The following EDIL3 variants were observed in gnomAD, a reference collection of about 807,000 sequenced individuals.
The protein encoded by EDIL3 is EGF-like repeat and discoidin I-like domain-containing protein 3.
A neutral mutation model predicts 67.4 loss-of-function variants in EDIL3; 37 were observed. That is an observed-to-expected ratio of 0.55 (90% CI 0.42 to 0.72). The LOEUF is 0.72. EDIL3 is among the 30% of genes least tolerant of loss of function. The pLI is 0.00. For synonymous variants in EDIL3, 195 were observed against 196.3 expected, an observed-to-expected ratio of 0.99 and a Z score of 0.05; for missense variants, 527 against 586.3, an observed-to-expected ratio of 0.90 and a Z score of 1.04.
Position 84,133,385 on chromosome 5 carries a change from G to A in EDIL3, c.469+3856C>T, listed in dbSNP as rs571411288. Among the ~76,000 whole-genome samples the A allele has an allele frequency of 2.1e-4, 31 of 151,036 alleles. No individual in the cohort carries two copies. In the South Asian group the frequency reaches 3.6e-3, roughly 17 times the overall value. ...TGCCTGTAATCCCATTACTTTGGGA[G>A]GCCGAGGTGAGAAGATCATTCAAGG... is the stretch of plus-strand genomic sequence containing the variant. On this transcript the variant is annotated intron_variant, in intron 5 of 10. Transcript: ENST00000296591.
intron 1 of EDIL3, among the ~76,000 whole-genome samples, chr5:84,355,721 G>A (rs551644754): frequency 2.6e-5 from 4 of 152,196 alleles, no homozygotes; most frequent in East Asian, 3.9e-4. Flanking sequence ...GGTGTCTGTC[G>A]ACCCCTGCCA....
chr5:84,053,614 G>C (rs548240436), intron 9 of EDIL3, among the ~76,000 whole-genome samples: 1 of 152,224 alleles, frequency 6.6e-6, no homozygotes, highest in South Asian at 2.1e-4. Flanking sequence ...CAATAAAAAT[G>C]ATAAAGGGGA....
At chr5:84,162,893 A>G (rs183339554) in intron 4 of EDIL3, among the ~76,000 whole-genome samples, 2 of 152,256 alleles carry the variant, frequency 1.3e-5, no homozygotes, top group African/African-American at 4.8e-5. Flanking sequence ...AGCAGTCCAT[A>G]TGTAACTGAT....
At chr5:84,154,693 C>CT (rs397881707) in intron 4 of EDIL3, among the ~76,000 whole-genome samples, 51,563 of 92,250 alleles carry the variant, frequency 0.56, 15,434 homozygotes, top group East Asian at 0.73. Context: ...TCTGCTTCTG[C>CT]TTTTTTTTTT....
intron 2 of EDIL3, among the ~76,000 whole-genome samples, chr5:84,241,744 A>G (rs1744797500): frequency 6.6e-6 from 1 of 151,732 alleles, no homozygotes; most frequent in Non-Finnish European, 1.5e-5. Flanking sequence ...GGACATTTCA[A>G]TAATTTTATT....
intron 9 of EDIL3, among the ~76,000 whole-genome samples, chr5:84,033,457 C>T (rs1439112028): frequency 6.6e-6 from 1 of 152,012 alleles, no homozygotes; most frequent in Non-Finnish European, 1.5e-5. Flanking sequence ...TGCCTGTAAT[C>T]CCAGCATTTT....
chr5:84,340,530 CTCTCTATATA>C (rs1314998192), intron 1 of EDIL3, among the ~76,000 whole-genome samples: 1,051 of 69,500 alleles, frequency 0.015, 4 homozygotes, highest in Non-Finnish European at 0.023. Flanking sequence ...CTCTCTCTCT[CTCTCTATATA>C]TATATATATA....
intron 9 of EDIL3, among the ~76,000 whole-genome samples, chr5:84,027,036 A>G (rs1745828835): frequency 2.0e-5 from 3 of 152,138 alleles, no homozygotes. Flanking sequence ...CAGAACCTAC[A>G]GTAAGTTGTG....
chr5:84,277,337 C>A (rs561820529), intron 1 of EDIL3, among the ~76,000 whole-genome samples: 10 of 152,118 alleles, frequency 6.6e-5, no homozygotes, highest in Non-Finnish European at 1.3e-4. Flanking sequence ...CAGACCCTCA[C>A]AGACACAAAA....
chr5:84,183,224 A>T (rs950839666), intron 3 of EDIL3, among the ~76,000 whole-genome samples: 1 of 152,106 alleles, frequency 6.6e-6, no homozygotes, highest in African/African-American at 2.4e-5. Flanking sequence ...GGTCAGAAAG[A>T]TTATATAATA....
intron 10 of EDIL3, among the ~76,000 whole-genome samples, chr5:83,960,755 A>G (rs1190642135): frequency 6.6e-6 from 1 of 151,102 alleles, no homozygotes; most frequent in Non-Finnish European, 1.5e-5. Context: ...CACGATTAAA[A>G]TGGAATCACT....
intron 3 of EDIL3, among the ~76,000 whole-genome samples, chr5:84,208,240 C>T (rs1348375183): frequency 4.6e-5 from 7 of 152,064 alleles, no homozygotes; most frequent in Middle Eastern, 3.2e-3. Context: ...GGGCAAAGGA[C>T]ATGAACAGAC....
chr5:84,226,934 T>C (rs1321352381), intron 3 of EDIL3, among the ~76,000 whole-genome samples: 2 of 151,922 alleles, frequency 1.3e-5, no homozygotes, highest in Non-Finnish European at 1.5e-5. Flanking sequence ...TGAAAATAGA[T>C]TTAGAATAAG....
intron 3 of EDIL3, among the ~76,000 whole-genome samples, chr5:84,194,176 A>G (rs1743651775): frequency 1.3e-5 from 2 of 151,936 alleles, no homozygotes; most frequent in Admixed American, 1.3e-4. Context: ...AAAAGAGTAC[A>G]CTGAGAAATT....
chr5:84,201,928 T>C (rs1039689640), intron 3 of EDIL3, among the ~76,000 whole-genome samples: 2 of 152,104 alleles, frequency 1.3e-5, no homozygotes, highest in African/African-American at 4.8e-5. Flanking sequence ...TTAGAAGAAG[T>C]ACATAGATTT....
At chr5:84,227,677 T>C (rs2121105) in intron 3 of EDIL3, among the ~76,000 whole-genome samples, 47,901 of 151,952 alleles carry the variant, frequency 0.32, 7,736 homozygotes, top group African/African-American at 0.38. Context: ...GGAATCAAAT[T>C]ATGTGCTAAT....
Position 84,038,095 on chromosome 5 carries a change from C to T in EDIL3, c.1137+22205G>A, listed in dbSNP as rs149063051. Among the ~76,000 whole-genome samples, 1,384 of 149,430 alleles carry T rather than the reference C, an allele frequency of 9.3e-3. 9 individuals carry two copies. The highest frequency in any genetic ancestry group is 0.015 in the Non-Finnish European group (993 of 67,746). On this transcript the variant is annotated intron_variant, in intron 9 of 10. Transcript: ENST00000296591. ...TCAGCTCACTGCAAACTCTGCCTCC[C>T]GGGTTCAAGCAATTCTCGTGCTTCA...
rs1019251846 is a variant in EDIL3, at chr5:84,184,711, G to A, written c.227-4190C>T. Among the ~76,000 whole-genome samples the A allele has an allele frequency of 3.9e-5, 6 of 152,264 alleles. No individual in the cohort carries two copies. The East Asian group carries it at 5.8e-4, about 15-fold the overall frequency. ...GGAAGCTGAAGATAGAGTGAACAGCGGTTTCTTAAGTCCCAAGCATTCTGG... is the reference window on the plus strand; with the variant it reads ...GGAAGCTGAAGATAGAGTGAACAGCAGTTTCTTAAGTCCCAAGCATTCTGG... On this transcript the variant is annotated intron_variant, in intron 3 of 10. Coordinates refer to ENST00000296591, the MANE Select transcript of EDIL3 (RefSeq NM_005711.5).
chr5:84,152,000 G>A (rs569177850), intron 4 of EDIL3, among the ~76,000 whole-genome samples: 4 of 150,030 alleles, frequency 2.7e-5, no homozygotes, highest in African/African-American at 4.9e-5. Context: ...TGCAACCTCC[G>A]CCTCCTGGGT....
Sources: gnomAD v4.1 joint callset for allele counts (sites outside exome capture counted in the v4.1 genomes callset) on GRCh38, gnomAD v4.1.1 for gene constraint, MANE v1.5 for transcripts, NCBI Gene and HGNC (gene_info 2026-07-23, HGNC 2026-07-21) for gene names.